ZNF44: variants seen among roughly 807,000 people sequenced by gnomAD.
The protein encoded by ZNF44 is gonadotropin inducible transcription repressor-2.
ZNF44 carries 9 observed loss-of-function variants against 11.7 expected under a neutral mutation model. The observed-to-expected ratio is 0.77, with a 90% CI of 0.46 to 1.35. The LOEUF (loss-of-function observed/expected upper bound fraction) is 1.35, where lower values mean the gene tolerates loss of function less well. Among genes scored for constraint, ZNF44 ranks in the 40% most tolerant of loss-of-function variants. The pLI is 0.00. For missense variants in ZNF44, 696 were observed against 743.1 expected (o/e 0.94, Z 0.74); for synonymous variants, 224 against 242.7 (o/e 0.92, Z 0.72).
intron 1 of ZNF44, among the ~76,000 whole-genome samples, chr19:12,283,598 G>A (rs1412952126): frequency 1.3e-5 from 2 of 152,028 alleles, no homozygotes; most frequent in African/African-American, 2.4e-5. Flanking sequence ...CAAAGTGCTG[G>A]GATTACAGGC....
downstream of ZNF44, chr19:12,224,744 A>G (rs1339084646): frequency 6.6e-6 from 1 of 152,268 alleles, no homozygotes; most frequent in Non-Finnish European, 1.5e-5. Context: ...CTGGCTGGTC[A>G]GTCAGGAGCA....
intron 1 of ZNF44, chr19:12,285,248 T>G: frequency 5.7e-6 from 2 of 353,062 alleles, no homozygotes; most frequent in Non-Finnish European, 1.0e-5. Context: ...CAGACATGTA[T>G]GCATTGTTTG....
chr19:12,238,471 C>CA (rs1916480694), upstream of ZNF44, among the ~76,000 whole-genome samples: 2 of 151,722 alleles, frequency 1.3e-5, no homozygotes, highest in African/African-American at 2.4e-5. Context: ...CTAAAAATAC[C>CA]AAAAAAATCA....
At chr19:12,271,061 A>C (rs1387889422), downstream of ZNF44, among the ~76,000 whole-genome samples, 1 of 152,116 alleles carries the variant, frequency 6.6e-6, no homozygotes, top group Non-Finnish European at 1.5e-5. Context: ...GATGATGATG[A>C]TGATGATGCT....
downstream of ZNF44, among the ~76,000 whole-genome samples, chr19:12,269,359 C>T (rs1206840021): frequency 6.6e-6 from 1 of 152,052 alleles, no homozygotes; most frequent in Admixed American, 6.6e-5. Flanking sequence ...CCTGTCTCTA[C>T]TAAAAATACA....
chr19:12,294,416 G>T (rs1407692260), intron 1 of ZNF44, among the ~76,000 whole-genome samples: 2 of 152,256 alleles, frequency 1.3e-5, no homozygotes, highest in Non-Finnish European at 2.9e-5. Context: ...ACAATCTGGG[G>T]AGAAGCGGGG....
intron 5 of ZNF44, among the ~76,000 whole-genome samples, chr19:12,256,163 C>T (rs1222096475): frequency 1.3e-5 from 2 of 151,700 alleles, no homozygotes. Context: ...GGTGGGCCAA[C>T]CCGCAAGTCA....
At position 12,272,898 on chromosome 19, in the gene ZNF44, A is replaced by G. The variant is rs1182706117; in HGVS notation, c.1357T>C (p.Cys453Arg). The G allele has an allele frequency of 2.5e-6, 4 of 1,613,800 alleles. No homozygotes were observed. The highest frequency in any genetic ancestry group is 3.4e-6 in the Non-Finnish European group (4 of 1,179,966). ...HTGEQPYKCK[C>R]GKAFSDLFSF... ...AATAAATCACTAAAAGCTTTTCCAC[A>G]TTTACATTTATAGGGTTGCTCTCCA... The change falls in exon 4 of 4, where the codon TGT becomes CGT. Residue 453 changes from cysteine (C) to arginine (R), a missense_variant. By Grantham distance (180) the Cys-to-Arg change is radical. Transcript: ENST00000355684.
At position 12,273,434 on chromosome 19, in the gene ZNF44, G is replaced by C. The variant is rs763673999; in HGVS notation, c.821C>G (p.Thr274Ser). Residue 274 changes from threonine (T) to serine (S), a missense_variant, in exon 4 of 4, where the codon ACT becomes AGT. Thr to Ser is a moderately conservative substitution (Grantham distance 58). Transcript: ENST00000355684. ...DYSSYLRHER[T>S]HTGEKPYKCK... ...TTTGTAGGGTTTCTCTCCAGTGTGA[G>C]TTCTTTCATGTCTTAGATATGAACT... is the stretch of plus-strand genomic sequence containing the variant. 1 of 1,613,936 alleles carries C rather than the reference G, an allele frequency of 6.2e-7. No individual in the cohort carries two copies. Among genetic ancestry groups the C allele is most frequent in the African/African-American group, 1.3e-5 (1 of 74,876 alleles).
chr19:12,243,561 C>T (rs1916689274), downstream of ZNF44, among the ~76,000 whole-genome samples: 1 of 152,160 alleles, frequency 6.6e-6, no homozygotes, highest in South Asian at 2.1e-4. Context: ...TTTATTCATC[C>T]ATTAATGGAT....
At chr19:12,253,187 C>CTTTT (rs763591024) in intron 5 of ZNF44, among the ~76,000 whole-genome samples, 6 of 110,240 alleles carry the variant, frequency 5.4e-5, no homozygotes, top group Non-Finnish European at 7.4e-5. Context: ...CTGCACCTGG[C>CTTTT]TTTTTTTTTT....
chr19:12,293,198 T>A (rs1368554412), intron 1 of ZNF44: 1 of 1,529,428 alleles, frequency 6.5e-7, no homozygotes, highest in South Asian at 1.2e-5. Context: ...AGGAATGATA[T>A]ACCAGAAGAT....
chr19:12,238,559 CAG>C (rs1441548441), upstream of ZNF44, among the ~76,000 whole-genome samples: 1 of 142,512 alleles, frequency 7.0e-6, no homozygotes, highest in Non-Finnish European at 1.5e-5. Context: ...ACCCGGGAGA[CAG>C]AGGTTGCAGT....
downstream of ZNF44, among the ~76,000 whole-genome samples, chr19:12,267,200 A>T (rs1401169581): frequency 6.6e-6 from 1 of 151,540 alleles, no homozygotes; most frequent in Non-Finnish European, 1.5e-5. Context: ...ACCCACCACC[A>T]CACCAGGCTA....
At chr19:12,288,324 A>G (rs965211576) in intron 1 of ZNF44, among the ~76,000 whole-genome samples, 8 of 152,232 alleles carry the variant, frequency 5.3e-5, no homozygotes, top group Admixed American at 3.9e-4. Context: ...AATGGAAGAC[A>G]TATGTCAGCC....
chr19:12,245,605 C>T (rs1916747957), downstream of ZNF44, among the ~76,000 whole-genome samples: 1 of 152,112 alleles, frequency 6.6e-6, no homozygotes, highest in Non-Finnish European at 1.5e-5. Flanking sequence ...AAATCAGGAA[C>T]ACAGTTATTA....
intron 1 of ZNF44, among the ~76,000 whole-genome samples, chr19:12,289,924 C>T (rs976846157): frequency 1.3e-5 from 2 of 151,968 alleles, no homozygotes; most frequent in Admixed American, 1.3e-4. Flanking sequence ...AGCCACCGTG[C>T]CTGGCCTAGA....
In ZNF44 at chr19:12,285,066, C is replaced by T. The variant is rs1335504543; in HGVS notation, c.4-8984G>A. 4 of 675,864 alleles carry T rather than the reference C, an allele frequency of 5.9e-6. No individual in the cohort carries two copies. The East Asian group carries it at 7.4e-5, about 13-fold the overall frequency. 41.9% of individuals were successfully genotyped at this position (675,864 alleles called of 1,614,324 possible). ...GACCTACAGCTACCTAACCCCTGAC[C>T]TCTGGAAGGAGACTGTATTCACCAA... On this transcript the variant is annotated intron_variant, in intron 1 of 3. Transcript: ENST00000355684.
intron 1 of ZNF44, among the ~76,000 whole-genome samples, chr19:12,281,211 C>T (rs1433104009): frequency 6.6e-6 from 1 of 152,114 alleles, no homozygotes; most frequent in Admixed American, 6.5e-5. Flanking sequence ...ATAAAACACA[C>T]TTGAACAAAT....
Sources: allele counts gnomAD v4.1 joint callset (sites outside exome capture counted in the v4.1 genomes callset), GRCh38; gene constraint gnomAD v4.1.1; transcripts MANE v1.5; gene names NCBI Gene and HGNC (gene_info 2026-07-23, HGNC 2026-07-21).